The following NAALADL2 variants were observed in gnomAD, a reference collection of about 807,000 sequenced individuals.
The protein encoded by NAALADL2 is N-acetylated alpha-linked acidic dipeptidase like 2.
Under a neutral mutation model 87.2 loss-of-function variants are expected in NAALADL2, and 76 were observed. The ratio of observed to expected loss-of-function variants is 0.87; its 90% CI spans 0.72 to 1.05. The LOEUF (loss-of-function observed/expected upper bound fraction) is 1.05, where lower values mean the gene tolerates loss of function less well. NAALADL2 is among the 50% of genes least tolerant of loss of function. NAALADL2 has a pLI of 0.00. For synonymous variants in NAALADL2, 354 were observed against 331.0 expected, an observed-to-expected ratio of 1.07 and a Z score of -0.75; for missense variants, 1,089 against 945.8, an observed-to-expected ratio of 1.15 and a Z score of -1.99.
chr3:174,806,467 C>T (rs889421759), intron 3 of NAALADL2, among the ~76,000 whole-genome samples: 3 of 152,150 alleles, frequency 2.0e-5, no homozygotes, highest in Non-Finnish European at 2.9e-5. Flanking sequence ...ACTGAAGAGC[C>T]TAACAGCTGA....
At chr3:174,793,224 A>G (rs1515610) in intron 3 of NAALADL2, among the ~76,000 whole-genome samples, 14,463 of 152,100 alleles carry the variant, frequency 0.095, 767 homozygotes, top group Middle Eastern at 0.16. Flanking sequence ...GATTTATCGT[A>G]ATAATTATGT....
intron 1 of NAALADL2, among the ~76,000 whole-genome samples, chr3:174,493,248 G>A (rs1718314500): frequency 6.6e-6 from 1 of 152,094 alleles, no homozygotes. Flanking sequence ...AAGTGATAAT[G>A]TTAAAATGAT....
chr3:175,090,542 C>A (rs9866323), intron 1 of NAALADL2, among the ~76,000 whole-genome samples: 1 of 150,528 alleles, frequency 6.6e-6, no homozygotes, highest in Non-Finnish European at 1.5e-5. Flanking sequence ...CAAATTTACA[C>A]GAACTGACTG....
intron 2 of NAALADL2, among the ~76,000 whole-genome samples, chr3:174,557,604 G>A (rs1713004710): frequency 6.6e-6 from 1 of 152,062 alleles, no homozygotes; most frequent in African/African-American, 2.4e-5. Context: ...TTGTTAATCT[G>A]CTCATGGAGA....
intron 9 of NAALADL2, among the ~76,000 whole-genome samples, chr3:175,517,282 C>T (rs1174666336): frequency 1.3e-5 from 2 of 151,974 alleles, no homozygotes; most frequent in Non-Finnish European, 2.9e-5. Flanking sequence ...AGGATGAGGT[C>T]CAACTATGAT....
chr3:175,316,097 G>A (rs1003050465), intron 4 of NAALADL2, among the ~76,000 whole-genome samples: 15 of 152,092 alleles, frequency 9.9e-5, no homozygotes, highest in Non-Finnish European at 2.1e-4. Context: ...TGAAACCAAG[G>A]CATAGAAAAA....
intron 4 of NAALADL2, 137 bp from the exon 5 acceptor site, chr3:175,324,038 A>G (rs1333445211): frequency 4.9e-6 from 3 of 612,408 alleles, no homozygotes; most frequent in Non-Finnish European, 5.3e-6. Flanking sequence ...CAAAAAAAAA[A>G]AAAAAGAAAA....
intron 1 of NAALADL2, among the ~76,000 whole-genome samples, chr3:174,907,989 A>G (rs1733170487): frequency 1.4e-5 from 2 of 141,690 alleles, no homozygotes; most frequent in African/African-American, 2.6e-5. Context: ...TCTTATTTAT[A>G]TCAATTATCT....
chr3:175,067,175 T>C (rs756732037), intron 1 of NAALADL2, among the ~76,000 whole-genome samples: 3 of 152,102 alleles, frequency 2.0e-5, no homozygotes, highest in Non-Finnish European at 4.4e-5. Flanking sequence ...ATTCTGGACG[T>C]GGGCCTTGGG....
intron 1 of NAALADL2, among the ~76,000 whole-genome samples, chr3:175,047,254 C>G (rs1225875603): frequency 6.6e-6 from 1 of 152,088 alleles, no homozygotes; most frequent in Non-Finnish European, 1.5e-5. Flanking sequence ...TTGGATTCCC[C>G]CCAAAGTTAA....
chr3:174,456,823 A>T (rs540173010), intron 1 of NAALADL2, among the ~76,000 whole-genome samples: 7 of 152,320 alleles, frequency 4.6e-5, no homozygotes, highest in African/African-American at 1.7e-4. Context: ...AGATTTCAAG[A>T]TGAAGACACC....
intron 1 of NAALADL2, among the ~76,000 whole-genome samples, chr3:175,069,064 G>A (rs1715075050): frequency 6.6e-6 from 1 of 151,974 alleles, no homozygotes; most frequent in Admixed American, 6.6e-5. Context: ...AACCCTAGAA[G>A]AAAACCTAGG....
At chr3:175,480,289 T>C (rs1335703525) in intron 9 of NAALADL2, among the ~76,000 whole-genome samples, 1 of 106,954 alleles carries the variant, frequency 9.3e-6, no homozygotes, top group Non-Finnish European at 2.2e-5. Context: ...AGGTCTAGTG[T>C]TAATGTTTAC....
chr3:175,206,264 T>TATATATATATATATATATATATATATATA (rs750185480), intron 2 of NAALADL2, among the ~76,000 whole-genome samples: 9 of 69,636 alleles, frequency 1.3e-4, no homozygotes, highest in African/African-American at 3.6e-4. Context: ...ATATATATAT[T>TATATATATATATATATATATATATATATA]TTTTTTTTTC....
At chr3:174,455,089 A>G (rs1715745811) in intron 1 of NAALADL2, among the ~76,000 whole-genome samples, 1 of 152,188 alleles carries the variant, frequency 6.6e-6, no homozygotes, top group Non-Finnish European at 1.5e-5. Context: ...CCACCAGAGA[A>G]TATTTTGAAC....
At chr3:174,505,236 G>A (rs919718565) in intron 1 of NAALADL2, among the ~76,000 whole-genome samples, 7 of 152,058 alleles carry the variant, frequency 4.6e-5, no homozygotes, top group African/African-American at 1.7e-4. Flanking sequence ...TCATCCAGGT[G>A]CAAAAATGAA....
chr3:175,570,110 C>T (rs1717821155), intron 9 of NAALADL2, among the ~76,000 whole-genome samples: 1 of 152,070 alleles, frequency 6.6e-6, no homozygotes, highest in Non-Finnish European at 1.5e-5. Flanking sequence ...AGCCAACAGG[C>T]TTGAGACTCT....
At chr3:175,299,673 A>G (rs947423983) in intron 4 of NAALADL2, among the ~76,000 whole-genome samples, 7 of 152,184 alleles carry the variant, frequency 4.6e-5, no homozygotes, top group African/African-American at 1.7e-4. Flanking sequence ...GAAGTTGCTT[A>G]TCAGCTTAAG....
chr3:175,564,356 G>T (rs1716771350), intron 9 of NAALADL2, among the ~76,000 whole-genome samples: 1 of 151,998 alleles, frequency 6.6e-6, no homozygotes, highest in African/African-American at 2.4e-5. Flanking sequence ...TTAAAGGAAG[G>T]TACTAAACTG....
Sources: gnomAD v4.1 joint callset for allele counts (sites outside exome capture counted in the v4.1 genomes callset) on GRCh38, gnomAD v4.1.1 for gene constraint, MANE v1.5 for transcripts, NCBI Gene and HGNC (gene_info 2026-07-23, HGNC 2026-07-21) for gene names.